The following DPYD variants were observed in gnomAD, a reference collection of about 807,000 sequenced individuals.
DPYD encodes dihydropyrimidine dehydrogenase [NADP(+)].
Under a neutral mutation model 116.2 loss-of-function variants are expected in DPYD, and 109 were observed. That is an observed-to-expected ratio of 0.94 (90% confidence interval 0.80 to 1.10). The LOEUF (loss-of-function observed/expected upper bound fraction) is 1.10. Among genes scored for constraint, DPYD ranks in the 50% least tolerant of loss-of-function variants. DPYD has a pLI of 0.00. For missense variants in DPYD, 1,302 were observed against 1,254.5 expected, an observed-to-expected ratio of 1.04 and a Z score of -0.57; for synonymous variants, 440 against 432.0, an observed-to-expected ratio of 1.02 and a Z score of -0.23.
intron 3 of DPYD, among the ~76,000 whole-genome samples, chr1:97,751,460 GTATATA>G (rs1553233231): frequency 0.025 from 538 of 21,284 alleles, 21 homozygotes; most frequent in Middle Eastern, 0.1. Context: ...GTGTGTGTGT[GTATATA>G]TATATATATA....
intron 10 of DPYD, among the ~76,000 whole-genome samples, chr1:97,575,585 T>C (rs1368584582): frequency 6.6e-6 from 1 of 152,158 alleles, no homozygotes; most frequent in East Asian, 1.9e-4. Flanking sequence ...TATTACACAG[T>C]CTTTCCCTTT....
chr1:97,508,666 A>C (rs2101953906), intron 13 of DPYD, among the ~76,000 whole-genome samples: 1 of 152,074 alleles, frequency 6.6e-6, no homozygotes, highest in African/African-American at 2.4e-5. Context: ...TTAGACATAA[A>C]GTAATATGGT....
intron 16 of DPYD, among the ~76,000 whole-genome samples, chr1:97,340,077 T>C (rs557912472): frequency 1.3e-5 from 2 of 151,884 alleles, no homozygotes; most frequent in Non-Finnish European, 2.9e-5. Flanking sequence ...AATTTCCAAA[T>C]TAAGAGACTT....
At chr1:97,434,298 C>G (rs948413812) in intron 14 of DPYD, among the ~76,000 whole-genome samples, 3 of 152,000 alleles carry the variant, frequency 2.0e-5, no homozygotes, top group Non-Finnish European at 2.9e-5. Flanking sequence ...TATTAATGCT[C>G]TAGGCATTTT....
chr1:97,618,737 T>C (rs920738367), intron 8 of DPYD, among the ~76,000 whole-genome samples: 2 of 152,144 alleles, frequency 1.3e-5, no homozygotes, highest in African/African-American at 4.8e-5. Flanking sequence ...GTAGCCACAC[T>C]TCAGAAATAA....
intron 2 of DPYD, among the ~76,000 whole-genome samples, chr1:97,857,799 G>A (rs947355742): frequency 1.3e-5 from 2 of 152,092 alleles, no homozygotes; most frequent in Admixed American, 1.3e-4. Flanking sequence ...CTGGTCTGAA[G>A]TTCTGGAGAC....
intron 1 of DPYD, among the ~76,000 whole-genome samples, chr1:97,887,335 T>C (rs1398875561): frequency 6.6e-6 from 1 of 151,342 alleles, no homozygotes; most frequent in Non-Finnish European, 1.5e-5. Flanking sequence ...CCGGGCATGG[T>C]GGCATATGCC....
chr1:97,788,705 G>C (rs935091553), intron 3 of DPYD, among the ~76,000 whole-genome samples: 1 of 152,184 alleles, frequency 6.6e-6, no homozygotes, highest in Non-Finnish European at 1.5e-5. Context: ...TTTTCCCAAG[G>C]CTAATCAGCT....
At position 97,699,447 on chromosome 1, in the gene DPYD, G is replaced by A. The variant is rs1489012407; in HGVS notation, c.584C>T (p.Ala195Val). ...AYSAKIALFGAGPASISCASF... is the reference protein window; with the variant it reads ...AYSAKIALFGVGPASISCASF... The stretch of plus-strand genomic sequence containing the variant: ...AGCACAACTTATACTTGCAGGCCCA[G>A]CACCAAAAAGAGCAATCTTTGCAGA... The change falls in exon 6 of 23, where the codon GCT becomes GTT. Residue 195 changes from alanine (A) to valine (V), a missense_variant. Physicochemically the swap from Ala to Val is moderately conservative, Grantham distance 64. Transcript: ENST00000370192. 1.2e-6 allele frequency: 2 copies of A among 1,613,510 alleles called. No homozygotes were observed. Among genetic ancestry groups the A allele is most frequent in the African/African-American group, 1.3e-5 (1 of 74,864 alleles).
intron 19 of DPYD, among the ~76,000 whole-genome samples, chr1:97,226,946 T>C (rs929472393): frequency 3.3e-5 from 5 of 152,100 alleles, no homozygotes; most frequent in Non-Finnish European, 7.4e-5. Context: ...TGTTACAGAA[T>C]AAGATCATAG....
At chr1:97,517,725 CT>C (rs1234809609) in intron 12 of DPYD, among the ~76,000 whole-genome samples, 1 of 152,104 alleles carries the variant, frequency 6.6e-6, no homozygotes, top group East Asian at 1.9e-4. Context: ...TTTCCTGACA[CT>C]ACAGGTTGAT....
At chr1:97,157,366 C>T (rs1655548056) in intron 20 of DPYD, among the ~76,000 whole-genome samples, 1 of 152,148 alleles carries the variant, frequency 6.6e-6, no homozygotes, top group South Asian at 2.1e-4. Context: ...TGCCCATGCA[C>T]ACAGTTTTAG....
At chr1:97,625,128 A>T (rs1224259961) in intron 8 of DPYD, among the ~76,000 whole-genome samples, 4 of 152,108 alleles carry the variant, frequency 2.6e-5, no homozygotes, top group African/African-American at 9.7e-5. Flanking sequence ...ACCACAAAAA[A>T]GTTAAGATTT....
chr1:97,373,508 G>A, intron 16 of DPYD, 53 bp downstream of exon 16: 2 of 1,495,350 alleles, frequency 1.3e-6, no homozygotes, highest in Non-Finnish European at 1.9e-6. Context: ...TATCCATACG[G>A]GGGCCTGTTA....
At chr1:97,857,412 G>A (rs1467039944) in intron 2 of DPYD, among the ~76,000 whole-genome samples, 1 of 152,142 alleles carries the variant, frequency 6.6e-6, no homozygotes, top group Admixed American at 6.5e-5. Context: ...TTAAAGGATT[G>A]GAACTTTGAG....
intron 16 of DPYD, among the ~76,000 whole-genome samples, chr1:97,367,920 C>A (rs191928735): frequency 6.6e-6 from 1 of 152,096 alleles, no homozygotes; most frequent in Non-Finnish European, 1.5e-5. Flanking sequence ...TGAGTATGCA[C>A]TGGGTTTCTA....
intron 4 of DPYD, among the ~76,000 whole-genome samples, chr1:97,729,472 T>C (rs1300353778): frequency 6.6e-6 from 1 of 152,138 alleles, no homozygotes; most frequent in Non-Finnish European, 1.5e-5. Flanking sequence ...CCCTTTAGGC[T>C]TTTTGTCACT....
intron 14 of DPYD, among the ~76,000 whole-genome samples, chr1:97,423,360 G>C (rs1394941281): frequency 5.9e-5 from 9 of 152,000 alleles, no homozygotes; most frequent in Non-Finnish European, 1.3e-4. Flanking sequence ...GGAAAGAGGG[G>C]TGTGATTATG....
At chr1:97,549,177 C>T (rs893976021) in intron 12 of DPYD, among the ~76,000 whole-genome samples, 1 of 152,044 alleles carries the variant, frequency 6.6e-6, no homozygotes, top group Non-Finnish European at 1.5e-5. Context: ...AGAGATCCTC[C>T]CACCTCAGCC....
Sources: gnomAD v4.1 joint callset for allele counts (sites outside exome capture counted in the v4.1 genomes callset) on GRCh38, gnomAD v4.1.1 for gene constraint, MANE v1.5 for transcripts, NCBI Gene and HGNC (gene_info 2026-07-23, HGNC 2026-07-21) for gene names.